Variants in BRCA2 observed in about 807,000 individuals in gnomAD.
BRCA2 encodes the protein BRCA2 DNA repair associated, also known as breast cancer type 2 susceptibility protein.
A neutral mutation model predicts 276.7 loss-of-function variants in BRCA2; 203 were observed. That is an observed-to-expected ratio of 0.73 (90% CI 0.65 to 0.82). The LOEUF is 0.82. Ranked by LOEUF, BRCA2 falls within the 40% of genes least tolerant of loss-of-function variation. The pLI is 0.00. For missense variants in BRCA2, 3,920 were observed against 3,915.0 expected (o/e 1.00, Z -0.03); for synonymous variants, 1,289 against 1,338.4 (o/e 0.96, Z 0.81).
Position 32,316,465 on chromosome 13 carries a change from C to A in BRCA2, c.5C>A (p.Pro2His), listed in dbSNP as rs80358836. ...GGAGGAATATCGTAGGTAAAAATGC[C>A]TATTGGATCCAAAGAGAGGCCAACA... MPIGSKERPTFF... is the reference protein window; with the variant it reads MHIGSKERPTFF... The change falls in exon 2 of 27, where the codon CCT becomes CAT. Residue 2 changes from proline to histidine, a missense_variant. Physicochemically the swap from Pro to His is moderately conservative, Grantham distance 77 (BLOSUM62 -2). Transcript: ENST00000380152. 6.2e-7 allele frequency: 1 copy of A among 1,613,736 alleles called. No homozygotes were observed. Among genetic ancestry groups the A allele is most frequent in the Non-Finnish European group, 8.5e-7 (1 of 1,179,746 alleles).
rs28897702 is a variant in BRCA2 at position 32,326,500 on chromosome 13, G to T, written c.518G>T (p.Gly173Val). The change falls in exon 7 of 27, where the codon GGT becomes GTT. Residue 173 changes from glycine to valine, a missense_variant and splice_region_variant. Gly to Val is a moderately radical substitution (Grantham distance 109, BLOSUM62 -3). Transcript: ENST00000380152. ...ATAAACTATTTTCTTTCCTCCCAGGGTCGTCAGACACCAAAACATATTTCT... is the reference window on the plus strand; with the variant it reads ...ATAAACTATTTTCTTTCCTCCCAGGTTCGTCAGACACCAAAACATATTTCT... ...SLFHTPKFVKGRQTPKHISES... is the reference protein window; with the variant it reads ...SLFHTPKFVKVRQTPKHISES... The T allele has an allele frequency of 7.5e-6, 12 of 1,603,576 alleles. No homozygotes were observed. Among genetic ancestry groups the T allele is most frequent in the South Asian group, 1.1e-5 (1 of 90,876 alleles).
At chr13:32,316,659 G>C (rs967271763) in intron 2 of BRCA2, 132 bp downstream of exon 2, 18 of 784,076 alleles carry the variant, frequency 2.3e-5, no homozygotes, top group Non-Finnish European at 3.4e-5. Context: ...TATAAATCCA[G>C]TTAACAACAT....
At position 32,341,042 on chromosome 13, in the gene BRCA2, A is replaced by C; in HGVS notation, c.6687A>C (p.Glu2229Asp). The part of the protein sequence containing the change: ...SENYFETEAV[E>D]IAKAFMEDDE... ...ACTACTTTGAAACAGAAGCAGTAGA[A>C]ATTGCTAAAGCTTTTATGGAAGATG... The change falls in exon 11 of 27, where the codon GAA (glutamate) becomes GAC (aspartate). Residue 2229 changes from glutamate to aspartate, a missense_variant. Glu to Asp is a conservative substitution (Grantham distance 45). Transcript: ENST00000380152. 1 of 1,613,918 alleles carries C rather than the reference A, an allele frequency of 6.2e-7. No homozygotes were observed. The highest frequency in any genetic ancestry group is 1.1e-5 in the South Asian group (1 of 91,022).
At chr13:32,378,407 A>G (rs2072888186) in intron 21 of BRCA2, among the ~76,000 whole-genome samples, 1 of 152,208 alleles carries the variant, frequency 6.6e-6, no homozygotes, top group Non-Finnish European at 1.5e-5. Context: ...GTAGGCATCC[A>G]TTTTTAAAAC....
rs748591464 is a variant in BRCA2 at position 32,394,984 on chromosome 13, A to G, written c.9501+51A>G. On this transcript the variant is annotated intron_variant, in intron 25 of 26. Transcript: ENST00000380152. ...CACATTTTGGTATTTTTCTATTTTG[A>G]CAGTCCAGTATCAAGGAAATAGCTT... The G allele has an allele frequency of 6.2e-6, 10 of 1,607,768 alleles. No individual in the cohort carries two copies. In the Admixed American group the frequency reaches 1.7e-4, roughly 27 times the overall value.
In BRCA2 at chr13:32,337,364, C is replaced by T. The variant is rs2072470391; in HGVS notation, c.3009C>T (p.His1003=). The part of the protein sequence containing the change: ...WAGLLGPISN[H]SFGGSFRTAS... ...GACTCTTAGGTCCAATTTCAAATCA[C>T]AGTTTTGGAGGTAGCTTCAGAACAG... Residue 1003 remains histidine (H), a synonymous_variant, in exon 11 of 27, where the codon CAC becomes CAT. Transcript: ENST00000380152. The T allele has an allele frequency of 6.2e-7, 1 of 1,613,794 alleles. No homozygotes were observed. Among genetic ancestry groups the T allele is most frequent in the Non-Finnish European group, 8.5e-7 (1 of 1,179,902 alleles).
At chr13:32,322,642 G>A (rs541384702) in intron 3 of BRCA2, among the ~76,000 whole-genome samples, 17 of 152,340 alleles carry the variant, frequency 1.1e-4, no homozygotes, top group Admixed American at 2.6e-4. Context: ...AGCTTCCAGC[G>A]TGGGTGTCAT....
At chr13:32,355,906 A>T (rs959361592) in intron 14 of BRCA2, among the ~76,000 whole-genome samples, 1 of 151,870 alleles carries the variant, frequency 6.6e-6, no homozygotes, top group African/African-American at 2.4e-5. Flanking sequence ...AATAGTAAAG[A>T]TATTCATATT....
In BRCA2 at chr13:32,337,044, G is replaced by A. The variant is rs979372317; in HGVS notation, c.2689G>A (p.Glu897Lys). ...TAATTTTGTCTTCCAAGTAGCTAAT[G>A]AAAGGAATAATCTTGCTTTAGGAAA... The part of the protein sequence containing the change: ...ENNFVFQVAN[E>K]RNNLALGNTK... Residue 897 changes from glutamate (E) to lysine (K), a missense_variant, in exon 11 of 27, where the codon GAA becomes AAA. This residue lies in a region of BRCA2 where 3,263 missense variants were observed against 3,156.9 expected (regional missense o/e 1.03). Coordinates refer to ENST00000380152, the MANE Select transcript of BRCA2 (RefSeq NM_000059.4). 6.2e-7 allele frequency: 1 copy of A among 1,600,532 alleles called. No homozygotes were observed. The highest frequency in any genetic ancestry group is 8.5e-7 in the Non-Finnish European group (1 of 1,175,710).
At chr13:32,359,781 T>C (rs2072726504) in intron 16 of BRCA2, among the ~76,000 whole-genome samples, 1 of 152,230 alleles carries the variant, frequency 6.6e-6, no homozygotes, top group African/African-American at 2.4e-5. Context: ...TAAGAATGAT[T>C]GCCCTGTAGT....
chr13:32,326,417 G>A (rs2137451478), intron 6 of BRCA2, 82 bp from the exon 7 acceptor site: 1 of 1,442,334 alleles, frequency 6.9e-7, no homozygotes, highest in Non-Finnish European at 9.7e-7. Flanking sequence ...AACGTTAAGT[G>A]AAATAAAGAG....
chr13:32,351,719 C>T (rs1420565421), intron 13 of BRCA2, among the ~76,000 whole-genome samples: 2 of 152,068 alleles, frequency 1.3e-5, no homozygotes, highest in African/African-American at 4.8e-5. Context: ...AAAGTAGTTG[C>T]AAAATCTTTT....
Position 32,337,179 on chromosome 13 carries a change from T to C in BRCA2, c.2824T>C (p.Ser942Pro), listed in dbSNP as rs2137490330. 1 of 1,613,630 alleles carries C rather than the reference T, an allele frequency of 6.2e-7. No individual in the cohort carries two copies. The change falls in exon 11 of 27, where the codon TCA becomes CCA. Residue 942 changes from serine (S) to proline (P), a missense_variant. Transcript: ENST00000380152. ...AGGTGATAAACAAGCAACCCAAGTG[T>C]CAATTAAAAAAGATTTGGTTTATGT... ...DTGDKQATQV[S>P]IKKDLVYVLA... is the part of the protein sequence containing the mutation.
intron 24 of BRCA2, among the ~76,000 whole-genome samples, chr13:32,391,348 G>T (rs2072995540): frequency 6.6e-6 from 1 of 152,194 alleles, no homozygotes; most frequent in African/African-American, 2.4e-5. Context: ...AGTCCCACAG[G>T]GACTTCTGGA....
In BRCA2 at chr13:32,317,498, T is replaced by G. The variant is rs184824692; in HGVS notation, c.67+971T>G. Among the ~76,000 whole-genome samples, 447 of 152,344 alleles carry G rather than the reference T, an allele frequency of 2.9e-3. 1 individual carries two copies. The highest frequency in any genetic ancestry group is 0.01 in the African/African-American group (432 of 41,588). On this transcript the variant is annotated intron_variant, in intron 2 of 26. Transcript: ENST00000380152. ...TCAGTTACTTTTTGGTATTTTTCCT[T>G]GTACTTTGCATAGATTTTTCAAAGA...
intron 14 of BRCA2, among the ~76,000 whole-genome samples, chr13:32,355,954 G>A (rs1388981242): frequency 6.6e-6 from 1 of 151,778 alleles, no homozygotes; most frequent in Non-Finnish European, 1.5e-5. Flanking sequence ...TTTCATTTAT[G>A]AAGAATTAAA....
At chr13:32,381,799 G>A (rs771695798) in intron 24 of BRCA2, among the ~76,000 whole-genome samples, 1 of 152,152 alleles carries the variant, frequency 6.6e-6, no homozygotes, top group Non-Finnish European at 1.5e-5. Flanking sequence ...AAGCCATTTG[G>A]AGGCTCTTTC....
Position 32,340,528 on chromosome 13 carries a change from T to A in BRCA2, c.6173T>A (p.Phe2058Tyr), listed in dbSNP as rs55973801. ...GTAAATTCATCTGCTTTCTCTGGATTTAGTACAGCAAGTGGAAAGCAAGTT... is the reference window on the plus strand; with the variant it reads ...GTAAATTCATCTGCTTTCTCTGGATATAGTACAGCAAGTGGAAAGCAAGTT... ...NVVNSSAFSG[F>Y]STASGKQVSI... is the part of the protein sequence containing the mutation. Residue 2058 changes from phenylalanine (F) to tyrosine (Y), a missense_variant, in exon 11 of 27, where the codon TTT becomes TAT. By Grantham distance (22) the Phe-to-Tyr change is conservative. This residue lies in a region of BRCA2 where 3,263 missense variants were observed against 3,156.9 expected (regional missense o/e 1.03). Transcript: ENST00000380152. 6.2e-7 allele frequency: 1 copy of A among 1,613,548 alleles called. No individual in the cohort carries two copies. Among genetic ancestry groups the A allele is most frequent in the Non-Finnish European group, 8.5e-7 (1 of 1,179,734 alleles).
intron 24 of BRCA2, among the ~76,000 whole-genome samples, chr13:32,388,064 G>A (rs533562825): frequency 4.9e-4 from 74 of 151,044 alleles, no homozygotes; most frequent in African/African-American, 1.5e-3. Context: ...TCTTGTCTCC[G>A]CACACGAGAA....
Sources: gnomAD v4.1 joint callset for allele counts (sites outside exome capture counted in the v4.1 genomes callset) on GRCh38, gnomAD v4.1.1 for gene constraint, gnomAD v4.1.1 regional missense constraint, MANE v1.5 for transcripts, NCBI Gene and HGNC (gene_info 2026-07-23, HGNC 2026-07-21) for gene names.